EPHB1: variants seen among roughly 807,000 people sequenced by gnomAD.
EPHB1 encodes EPH receptor B1, also known as ephrin type-B receptor 1.
EPHB1 carries 30 observed loss-of-function variants against 94.4 expected under a neutral mutation model. The ratio of observed to expected loss-of-function variants is 0.32; its 90% CI spans 0.24 to 0.43. EPHB1 has a LOEUF of 0.43. Among genes scored for constraint, EPHB1 ranks in the 20% least tolerant of loss-of-function variants. The probability of loss-of-function intolerance (pLI) is 1.00; values close to 1 mark genes in which losing one functional copy is unlikely to be tolerated. For missense variants in EPHB1, 1,055 were observed against 1,308.3 expected, an observed-to-expected ratio of 0.81 and a Z score of 2.99; for synonymous variants, 522 against 489.1, an observed-to-expected ratio of 1.07 and a Z score of -0.89.
At chr3:134,940,814 A>T (rs980740947) in intron 2 of EPHB1, among the ~76,000 whole-genome samples, 1 of 152,246 alleles carries the variant, frequency 6.6e-6, no homozygotes, top group Admixed American at 6.5e-5. Context: ...TATAAGGTCC[A>T]TGCGGACAGG....
intron 3 of EPHB1, among the ~76,000 whole-genome samples, chr3:134,998,233 G>A (rs986758756): frequency 6.6e-6 from 1 of 152,174 alleles, no homozygotes; most frequent in African/African-American, 2.4e-5. Context: ...CTCACAGAGT[G>A]CTTTTCCCAT....
intron 1 of EPHB1, among the ~76,000 whole-genome samples, chr3:134,812,534 A>G (rs997360530): frequency 1.4e-4 from 21 of 152,180 alleles, no homozygotes; most frequent in African/African-American, 4.8e-4. Context: ...ATTTGCTTAT[A>G]GTTTTTGGCT....
At position 135,201,855 on chromosome 3, in the gene EPHB1, A is replaced by G. The variant is rs1002143978; in HGVS notation, c.2346+166A>G. On this transcript the variant is annotated intron_variant, in intron 12 of 15. Transcript: ENST00000398015. ...GGACCATCCAGCTGGGAGAAGCCATAGCAGCTGGTTGTTCAAGCAAGAAAG... is the reference window on the plus strand; with the variant it reads ...GGACCATCCAGCTGGGAGAAGCCATGGCAGCTGGTTGTTCAAGCAAGAAAG... Among the ~76,000 whole-genome samples, 22 of 152,162 alleles carry G rather than the reference A, an allele frequency of 1.4e-4. 1 individual carries two copies. The highest frequency in any genetic ancestry group is 1.4e-3 in the Admixed American group (21 of 15,282).
chr3:134,898,207 G>T (rs1485384576), intron 1 of EPHB1, among the ~76,000 whole-genome samples: 1 of 152,236 alleles, frequency 6.6e-6, no homozygotes, highest in Non-Finnish European at 1.5e-5. Flanking sequence ...TTCATGGCCA[G>T]CCTCCTATAA....
chr3:134,816,609 T>C (rs538399393), intron 1 of EPHB1, among the ~76,000 whole-genome samples: 1 of 152,250 alleles, frequency 6.6e-6, no homozygotes, highest in East Asian at 1.9e-4. Flanking sequence ...TCATTTCTTC[T>C]GTATCTCTCT....
chr3:135,214,492 G>A (rs1394383575), intron 12 of EPHB1, among the ~76,000 whole-genome samples: 9 of 152,190 alleles, frequency 5.9e-5, no homozygotes, highest in Non-Finnish European at 1.3e-4. Flanking sequence ...AGCACCTGGT[G>A]CCATGGCCCA....
chr3:134,812,128 A>C (rs1246224305), intron 1 of EPHB1, among the ~76,000 whole-genome samples: 1 of 152,176 alleles, frequency 6.6e-6, no homozygotes, highest in Non-Finnish European at 1.5e-5. Flanking sequence ...TGGAAAAAAA[A>C]TAGGCTTTCT....
chr3:134,796,703 C>A (rs1166562443), intron 1 of EPHB1, among the ~76,000 whole-genome samples: 1 of 152,240 alleles, frequency 6.6e-6, no homozygotes, highest in Non-Finnish European at 1.5e-5. Flanking sequence ...CACAGCTCCG[C>A]GGGAGAGCGG....
rs572805005 is a variant in EPHB1 at position 134,999,662 on chromosome 3, T to C, written c.805+47610T>C. Among the ~76,000 whole-genome samples the C allele has an allele frequency of 6.2e-4, 95 of 152,266 alleles. 1 individual carries two copies. The highest frequency in any genetic ancestry group is 4.2e-3 in the Admixed American group (64 of 15,302). On this transcript the variant is annotated intron_variant, in intron 3 of 15. Transcript: ENST00000398015. Reference sequence around the variant, plus strand: ...AGGGCTGGGCACAGCCCAGGCTTTATGAAGAAGGAAAAAGAAGGATGAGAG... The same window carrying C: ...AGGGCTGGGCACAGCCCAGGCTTTACGAAGAAGGAAAAAGAAGGATGAGAG...
At chr3:135,052,957 GTGTGTATATATA>G (rs1276071553) in intron 3 of EPHB1, among the ~76,000 whole-genome samples, 6 of 110,974 alleles carry the variant, frequency 5.4e-5, no homozygotes, top group Admixed American at 1.0e-4. Flanking sequence ...ATATATATAT[GTGTGTATATATA>G]TGTGTATATA....
chr3:134,861,188 G>A (rs1204645433), intron 1 of EPHB1, among the ~76,000 whole-genome samples: 2 of 152,206 alleles, frequency 1.3e-5, no homozygotes, highest in African/African-American at 4.8e-5. Context: ...TATGTACAGA[G>A]TGACATTAGT....
Position 134,795,327 on chromosome 3 carries a change from C to CT in EPHB1, c.-304dup. 2.1e-6 allele frequency: 1 copy of CT among 478,960 alleles called. No individual in the cohort carries two copies. The highest frequency in any genetic ancestry group is 3.7e-6 in the Non-Finnish European group (1 of 272,064). The allele number at this position is 478,960 out of a possible 1,614,324, so 29.7% of individuals were successfully genotyped here. On this transcript the variant is annotated 5_prime_UTR_variant, in exon 1 of 16. Transcript: ENST00000398015. Reference sequence around the variant, plus strand: ...GCAATGTGACACCAGGACGCACTCGCTCTCGCGCGCTCTCCCAGGCTCGTT... The same window carrying CT: ...GCAATGTGACACCAGGACGCACTCGCTTCTCGCGCGCTCTCCCAGGCTCGTT...
intron 5 of EPHB1, among the ~76,000 whole-genome samples, chr3:135,138,245 A>C (rs192242743): frequency 6.6e-6 from 1 of 152,288 alleles, no homozygotes; most frequent in African/African-American, 2.4e-5. Flanking sequence ...ATGCTGCACT[A>C]TTTCTGTTAA....
chr3:135,036,133 C>T (rs998000432), intron 3 of EPHB1, among the ~76,000 whole-genome samples: 1 of 152,164 alleles, frequency 6.6e-6, no homozygotes, highest in African/African-American at 2.4e-5. Context: ...GGTAAGAAGC[C>T]GCTTCTGACC....
At chr3:134,859,154 C>G (rs2037189167) in intron 1 of EPHB1, among the ~76,000 whole-genome samples, 1 of 152,186 alleles carries the variant, frequency 6.6e-6, no homozygotes, top group Non-Finnish European at 1.5e-5. Context: ...TCCTTCTTAT[C>G]AGGATCTCTC....
intron 5 of EPHB1, among the ~76,000 whole-genome samples, chr3:135,152,595 G>A (rs1941226736): frequency 6.6e-6 from 1 of 152,174 alleles, no homozygotes. Flanking sequence ...GAGAGGGAAG[G>A]AAGGAGGATT....
At chr3:135,125,125 A>T (rs1940146968) in intron 4 of EPHB1, among the ~76,000 whole-genome samples, 1 of 151,398 alleles carries the variant, frequency 6.6e-6, no homozygotes, top group Non-Finnish European at 1.5e-5. Flanking sequence ...TGAGAGGTGG[A>T]TGTCTTTGGC....
At chr3:134,923,491 C>A (rs558544126) in intron 1 of EPHB1, among the ~76,000 whole-genome samples, 1 of 152,244 alleles carries the variant, frequency 6.6e-6, no homozygotes, top group East Asian at 1.9e-4. Context: ...GGCCCTTTGG[C>A]CCCCCTGCGG....
chr3:134,931,360 T>C (rs1322614803), intron 2 of EPHB1, among the ~76,000 whole-genome samples: 1 of 152,264 alleles, frequency 6.6e-6, no homozygotes, highest in African/African-American at 2.4e-5. Context: ...TCCACAGTTC[T>C]TTTACTTTTG....
Sources: allele counts gnomAD v4.1 joint callset (sites outside exome capture counted in the v4.1 genomes callset), GRCh38; gene constraint gnomAD v4.1.1; transcripts MANE v1.5; gene names NCBI Gene and HGNC (gene_info 2026-07-23, HGNC 2026-07-21).